Variants in MTR observed in about 807,000 individuals in gnomAD.
MTR encodes 5-methyltetrahydrofolate-homocysteine methyltransferase.
In MTR, 84 loss-of-function variants were observed where a neutral mutation model predicts 154.8. That is an observed-to-expected ratio of 0.54 (90% CI 0.45 to 0.65). The LOEUF is 0.65. Ranked by LOEUF, MTR falls within the 30% of genes least tolerant of loss-of-function variation. The pLI, the probability that MTR is intolerant of heterozygous loss-of-function variation, is 0.00. For missense variants in MTR, 1,275 were observed against 1,570.2 expected, an observed-to-expected ratio of 0.81 and a Z score of 3.18; for synonymous variants, 554 against 553.9, an observed-to-expected ratio of 1.00 and a Z score of 0.00.
At chr1:236,842,143 G>A (rs1487647863) in intron 15 of MTR, among the ~76,000 whole-genome samples, 1 of 152,102 alleles carries the variant, frequency 6.6e-6, no homozygotes, top group African/African-American at 2.4e-5. Flanking sequence ...CGCCCGCCTC[G>A]GCTTCCCAAA....
At chr1:236,810,641 C>A in intron 5 of MTR, 46 bp downstream of exon 5, 1 of 1,479,024 alleles carries the variant, frequency 6.8e-7, no homozygotes, top group South Asian at 1.1e-5. Flanking sequence ...GAAGTACTCC[C>A]CAAGCTTCAG....
intron 2 of MTR, 54 bp from the exon 3 acceptor site, chr1:236,806,090 G>A (rs1660968058): frequency 6.9e-7 from 1 of 1,453,000 alleles, no homozygotes. Flanking sequence ...TGTTTATTCT[G>A]GGGGCACAAG....
At chr1:236,890,041 GGATCAGGTAGTAGCCA>G (rs1470186610) in intron 28 of MTR, among the ~76,000 whole-genome samples, 2 of 152,130 alleles carry the variant, frequency 1.3e-5, no homozygotes, top group Non-Finnish European at 2.9e-5. Context: ...GCCATTCAAA[GGATCAGGTAGTAGCCA>G]GATCAGAGCA....
At chr1:236,889,357 C>T in intron 28 of MTR, 21 bp downstream of exon 28, 1 of 1,613,886 alleles carries the variant, frequency 6.2e-7, no homozygotes, top group Non-Finnish European at 8.5e-7. Flanking sequence ...TAAGTCCTTC[C>T]TTTCTGCCTC....
intron 22 of MTR, among the ~76,000 whole-genome samples, chr1:236,866,363 A>T (rs1377597967): frequency 1.3e-5 from 2 of 152,156 alleles, no homozygotes; most frequent in Non-Finnish European, 2.9e-5. Flanking sequence ...CCCATAGAAG[A>T]TGGCAAACTT....
At chr1:236,835,710 CAG>C (rs1558297642) in intron 14 of MTR, 23 bp downstream of exon 14, 6 of 1,613,406 alleles carry the variant, frequency 3.7e-6, no homozygotes, top group East Asian at 2.2e-5. Context: ...TTATGTTTAT[CAG>C]GGGGATTTAC....
In MTR at chr1:236,795,356, C is replaced by A. The variant is rs1660304542; in HGVS notation, c.-348C>A. On this transcript the variant is annotated 5_prime_UTR_variant, in exon 1 of 33. Transcript: ENST00000366577. ...GGCTCAGAGCCGGATGTCACGTCGT[C>A]CTCCTCTGCCGGTTTTCTCTTGGGT... 1 of 1,349,052 alleles carries A rather than the reference C, an allele frequency of 7.4e-7. No homozygotes were observed. Among genetic ancestry groups the A allele is most frequent in the Admixed American group, 2.3e-5 (1 of 44,096 alleles). 83.6% of individuals were successfully genotyped at this position (1,349,052 alleles called of 1,614,324 possible).
intron 27 of MTR, among the ~76,000 whole-genome samples, chr1:236,888,353 C>G (rs1666133562): frequency 6.6e-6 from 1 of 152,244 alleles, no homozygotes; most frequent in Non-Finnish European, 1.5e-5. Flanking sequence ...GCTGCTCTAC[C>G]TGCCCCAGAA....
chr1:236,832,111 GC>G, intron 13 of MTR, 33 bp downstream of exon 13: 1 of 1,522,482 alleles, frequency 6.6e-7, no homozygotes, highest in Non-Finnish European at 9.1e-7. Flanking sequence ...TGAGGCATCT[GC>G]CCATGTCTTT....
At chr1:236,891,451 C>A in intron 29 of MTR, 122 bp downstream of exon 29, 1 of 1,038,374 alleles carries the variant, frequency 9.6e-7, no homozygotes, top group Non-Finnish European at 1.5e-6. Flanking sequence ...ATCACATGCC[C>A]AAGAAGTGAC....
intron 28 of MTR, among the ~76,000 whole-genome samples, chr1:236,890,803 G>C (rs984592709): frequency 1.3e-4 from 20 of 152,248 alleles, no homozygotes; most frequent in Admixed American, 5.9e-4. Flanking sequence ...AGGAATGTCA[G>C]TGAGGAATGT....
intron 6 of MTR, among the ~76,000 whole-genome samples, chr1:236,813,428 G>A (rs1267505717): frequency 1.3e-5 from 2 of 152,160 alleles, no homozygotes; most frequent in Non-Finnish European, 2.9e-5. Context: ...TATATGCGTT[G>A]TTAATTTTTA....
chr1:236,890,505 G>A (rs1355164732), intron 28 of MTR, among the ~76,000 whole-genome samples: 3 of 152,132 alleles, frequency 2.0e-5, no homozygotes, highest in African/African-American at 7.2e-5. Flanking sequence ...GACGGGGCCT[G>A]TGCCTTATAT....
At chr1:236,886,145 AG>A in intron 26 of MTR, 146 bp from the exon 27 acceptor site, 1 of 707,938 alleles carries the variant, frequency 1.4e-6, no homozygotes, top group South Asian at 1.6e-5. Context: ...TGGGTAGAAA[AG>A]GAAGAGCTTT....
At chr1:236,800,569 C>T (rs1485128902) in intron 1 of MTR, 2 of 801,282 alleles carry the variant, frequency 2.5e-6, no homozygotes, top group Admixed American at 6.2e-5. Flanking sequence ...TTTCACTCGA[C>T]TGTTAGAAGA....
Position 236,806,201 on chromosome 1 carries a change from A to G in MTR, c.307A>G (p.Ile103Val), listed in dbSNP as rs1370258050. ...AACAAATACTTTTAGCAGCACTAGT[A>G]TTGCCCAAGCTGACTATGGCCTTGA... Reference protein sequence around the residue: ...IETNTFSSTSIAQADYGLEHL... With the variant: ...IETNTFSSTSVAQADYGLEHL... Residue 103 changes from isoleucine (I) to valine (V), a missense_variant, in exon 3 of 33, where the codon ATT (isoleucine) becomes GTT (valine). Transcript: ENST00000366577. 1 of 1,614,130 alleles carries G rather than the reference A, an allele frequency of 6.2e-7. No individual in the cohort carries two copies. The highest frequency in any genetic ancestry group is 8.5e-7 in the Non-Finnish European group (1 of 1,179,994).
intron 32 of MTR, among the ~76,000 whole-genome samples, chr1:236,897,343 C>T (rs866240233): frequency 1.4e-5 from 2 of 139,854 alleles, no homozygotes; most frequent in Non-Finnish European, 1.5e-5. Flanking sequence ...CACACACACA[C>T]ATACAGCTTC....
Position 236,889,297 on chromosome 1 carries a change from A to T in MTR, c.2968A>T (p.Asn990Tyr). ...DVWQLRGKYP[N>Y]RGFPKIFNDK... ...CTGGCAGCTCCGGGGCAAGTACCCG[A>T]ATCGAGGCTTTCCCAAGATATTTAA... The change falls in exon 28 of 33, where the codon AAT becomes TAT. Residue 990 changes from asparagine (N) to tyrosine (Y), a missense_variant. Asn to Tyr is a moderately radical substitution (Grantham distance 143, BLOSUM62 -2). Coordinates refer to ENST00000366577, the MANE Select transcript of MTR (RefSeq NM_000254.3). 6.2e-7 allele frequency: 1 copy of T among 1,614,240 alleles called. No individual in the cohort carries two copies.
intron 1 of MTR, among the ~76,000 whole-genome samples, chr1:236,801,270 C>T (rs774779416): frequency 2.6e-5 from 4 of 152,186 alleles, no homozygotes; most frequent in African/African-American, 4.8e-5. Context: ...ATCTCACCTG[C>T]AAGTTCAGTA....
Sources: gnomAD v4.1 joint callset for allele counts (sites outside exome capture counted in the v4.1 genomes callset) on GRCh38, gnomAD v4.1.1 for gene constraint, MANE v1.5 for transcripts, NCBI Gene and HGNC (gene_info 2026-07-23, HGNC 2026-07-21) for gene names.